The following TMEM209 variants were observed in gnomAD, a reference collection of about 807,000 sequenced individuals.
TMEM209 encodes testicular tissue protein Li 202.
Under a neutral mutation model 76.2 loss-of-function variants are expected in TMEM209, and 65 were observed. The ratio of observed to expected loss-of-function variants is 0.85; its 90% confidence interval spans 0.70 to 1.05. The LOEUF (loss-of-function observed/expected upper bound fraction) is 1.05, where lower values mean the gene tolerates loss of function less well. Among genes scored for constraint, TMEM209 ranks in the 50% least tolerant of loss-of-function variants. The probability of loss-of-function intolerance (pLI) is 0.00; values close to 1 mark genes in which losing one functional copy is unlikely to be tolerated. For missense variants in TMEM209, 623 were observed against 685.5 expected (o/e 0.91, Z 1.02); for synonymous variants, 239 against 237.6 (o/e 1.01, Z -0.06).
chr7:130,205,067 C>T lies in TMEM209; in HGVS notation c.3+306G>A, dbSNP rs1798393585. ...ATAATTCCTCCTTTCTTCAGCTAGGCTCAACTCTTACAGACCGTGCAAAAC... is the reference window on the plus strand; with the variant it reads ...ATAATTCCTCCTTTCTTCAGCTAGGTTCAACTCTTACAGACCGTGCAAAAC... On this transcript the variant is annotated intron_variant, in intron 1 of 14. Transcript: ENST00000397622. 3 of 1,350,602 alleles carry T rather than the reference C, an allele frequency of 2.2e-6. No homozygotes were observed. In the Admixed American group the frequency reaches 9.0e-5, roughly 41 times the overall value. The allele number at this position is 1,350,602 out of a possible 1,614,324, so 83.7% of individuals were successfully genotyped here.
intron 14 of TMEM209, among the ~76,000 whole-genome samples, chr7:130,168,165 T>C (rs879403235): frequency 3.9e-5 from 6 of 152,186 alleles, no homozygotes; most frequent in Admixed American, 3.3e-4. Context: ...AAACCATTTA[T>C]GCATCAAAAT....
intron 13 of TMEM209, among the ~76,000 whole-genome samples, chr7:130,172,995 T>C (rs553890135): frequency 2.4e-4 from 16 of 65,544 alleles, no homozygotes; most frequent in Admixed American, 8.9e-4. Context: ...TGAGACTCTA[T>C]CTCAAAAAAA....
At chr7:130,181,799 C>T (rs185190629) in intron 8 of TMEM209, 80 bp from the exon 9 acceptor site, 640 of 1,174,250 alleles carry the variant, frequency 5.5e-4, no homozygotes, top group Non-Finnish European at 7.3e-4. Flanking sequence ...TTACAAGCAA[C>T]TCTAAGAATT....
At chr7:130,181,825 T>C in intron 8 of TMEM209, 106 bp from the exon 9 acceptor site, 2 of 790,052 alleles carry the variant, frequency 2.5e-6, no homozygotes, top group Non-Finnish European at 2.0e-6. Context: ...TACTATCTTA[T>C]AGTTGAATAT....
At chr7:130,182,814 C>G (rs906777864) in intron 8 of TMEM209, among the ~76,000 whole-genome samples, 4 of 152,106 alleles carry the variant, frequency 2.6e-5, no homozygotes, top group African/African-American at 9.7e-5. Flanking sequence ...TAAAAGATTT[C>G]TTGTAATCCA....
chr7:130,205,279 T>C (rs1183341786), intron 1 of TMEM209, 94 bp downstream of exon 1: 4 of 1,612,356 alleles, frequency 2.5e-6, no homozygotes, highest in Non-Finnish European at 2.5e-6. Context: ...CACATCCCCC[T>C]TGGCTGAACC....
intron 6 of TMEM209, among the ~76,000 whole-genome samples, chr7:130,186,805 C>A (rs1305957616): frequency 6.6e-6 from 1 of 152,122 alleles, no homozygotes; most frequent in Non-Finnish European, 1.5e-5. Context: ...ACCACCACAA[C>A]AACAGCACAC....
At chr7:130,198,938 C>A (rs1798089583) in intron 5 of TMEM209, among the ~76,000 whole-genome samples, 1 of 152,010 alleles carries the variant, frequency 6.6e-6, no homozygotes, top group African/African-American at 2.4e-5. Flanking sequence ...TCTTTTGTGT[C>A]CTTATTTGTT....
chr7:130,176,527 C>T (rs1022165871), intron 10 of TMEM209, among the ~76,000 whole-genome samples: 1 of 151,854 alleles, frequency 6.6e-6, no homozygotes, highest in East Asian at 1.9e-4. Context: ...GTACAAATAC[C>T]CTGCTAACTA....
At chr7:130,194,131 G>A (rs912854283) in intron 5 of TMEM209, among the ~76,000 whole-genome samples, 38 of 151,680 alleles carry the variant, frequency 2.5e-4, no homozygotes, top group Non-Finnish European at 4.7e-4. Flanking sequence ...TCCGGGAGGC[G>A]GAGCTTGCAG....
intron 6 of TMEM209, among the ~76,000 whole-genome samples, chr7:130,191,201 TAG>T (rs1381329652): frequency 1.3e-5 from 2 of 151,298 alleles, no homozygotes; most frequent in Admixed American, 6.6e-5. Flanking sequence ...TCAGACAAAA[TAG>T]ACTTTAAGGC....
At chr7:130,185,439 A>G (rs1797566677) in intron 6 of TMEM209, 72 bp from the exon 7 acceptor site, 1 of 1,307,364 alleles carries the variant, frequency 7.6e-7, no homozygotes. Flanking sequence ...ACTTATATCT[A>G]GGCAATGGCA....
In TMEM209 at chr7:130,202,054, G is replaced by C. The variant is rs781253352; in HGVS notation, c.369C>G (p.Thr123=). 6 of 1,613,844 alleles carry C rather than the reference G, an allele frequency of 3.7e-6. No individual in the cohort carries two copies. The highest frequency in any genetic ancestry group is 5.1e-6 in the Non-Finnish European group (6 of 1,179,872). Residue 123 remains threonine, a synonymous_variant, in exon 5 of 15, where the codon ACC becomes ACG. Transcript: ENST00000397622. ...QTTPPHDLAA[T]QIPPAPPSPS... is the part of the protein sequence containing the mutation. ...GGGAAGGTGGAGCGGGAGGGATTTG[G>C]GTTGCTGCCAGATCATGTGGAGGCG... is the stretch of plus-strand genomic sequence containing the variant.
chr7:130,180,471 C>T (rs770802763), intron 9 of TMEM209, among the ~76,000 whole-genome samples: 12 of 151,950 alleles, frequency 7.9e-5, no homozygotes, highest in Admixed American at 5.2e-4. Context: ...AGGGTTCAAG[C>T]GATTCTCCTG....
chr7:130,189,849 AAC>A (rs1361550477), intron 6 of TMEM209, among the ~76,000 whole-genome samples: 1 of 152,228 alleles, frequency 6.6e-6, no homozygotes, highest in Non-Finnish European at 1.5e-5. Flanking sequence ...CCTCAATAAT[AAC>A]AGTGTGCCCA....
chr7:130,178,572 G>C (rs1017330721), intron 9 of TMEM209, 45 bp from the exon 10 acceptor site: 4 of 1,604,560 alleles, frequency 2.5e-6, no homozygotes, highest in Non-Finnish European at 3.4e-6. Context: ...CTAAAAGTGA[G>C]TTTCCAAAAG....
intron 13 of TMEM209, among the ~76,000 whole-genome samples, chr7:130,170,905 C>T (rs1329366300): frequency 6.6e-6 from 1 of 151,492 alleles, no homozygotes; most frequent in Non-Finnish European, 1.5e-5. Flanking sequence ...CTCAGCTCAC[C>T]GCAACCTCCA....
intron 11 of TMEM209, among the ~76,000 whole-genome samples, chr7:130,174,822 A>C (rs188999959): frequency 7.9e-5 from 12 of 152,328 alleles, no homozygotes; most frequent in African/African-American, 2.2e-4. Context: ...CAAGTGTCTC[A>C]AACTTTTAGG....
chr7:130,196,249 T>G (rs187229733), intron 5 of TMEM209, among the ~76,000 whole-genome samples: 3 of 152,202 alleles, frequency 2.0e-5, no homozygotes, highest in Non-Finnish European at 4.4e-5. Context: ...CCCTACAGTC[T>G]TCTGGGGATG....
Sources: allele counts gnomAD v4.1 joint callset (sites outside exome capture counted in the v4.1 genomes callset), GRCh38; gene constraint gnomAD v4.1.1; transcripts MANE v1.5; gene names NCBI Gene and HGNC (gene_info 2026-07-23, HGNC 2026-07-21).